The following PDZD4 variants were observed in gnomAD, a reference collection of about 807,000 sequenced individuals.
The protein encoded by PDZD4 is PDZ domain containing 4.
PDZD4 carries 9 observed loss-of-function variants against 38.5 expected under a neutral mutation model. That is an observed-to-expected ratio of 0.23 (90% CI 0.14 to 0.41). PDZD4 has a LOEUF of 0.41. Ranked by LOEUF, PDZD4 falls within the 10% of genes least tolerant of loss-of-function variation. The pLI is 1.00. For missense variants in PDZD4, 612 were observed against 722.0 expected (o/e 0.85, Z 1.75); for synonymous variants, 349 against 315.7 (o/e 1.11, Z -1.12).
At chrX:153,814,617 A>T (rs1025621519) in intron 1 of PDZD4, among the ~76,000 whole-genome samples, 10 of 111,084 alleles carry the variant, frequency 9.0e-5, no homozygotes, top group Non-Finnish European at 1.3e-4. Context: ...GAAAACTCTC[A>T]CTATTGAATG....
In PDZD4 at chrX:153,830,210, C is replaced by T. The variant is rs781813457; in HGVS notation, c.60+29G>A. 1.8e-5 allele frequency: 21 copies of T among 1,180,558 alleles called. 1 individual carries two copies. The South Asian group carries it at 3.7e-4, about 21-fold the overall frequency. ...GCCCGCTCCTCCCCGCGGAGGGCCGCGCCCCCGCCGCAGCGCCGGCGGCCC... is the reference window on the plus strand; with the variant it reads ...GCCCGCTCCTCCCCGCGGAGGGCCGTGCCCCCGCCGCAGCGCCGGCGGCCC... On this transcript the variant is annotated intron_variant, in intron 1 of 7. Transcript: ENST00000393758.
intron 1 of PDZD4, among the ~76,000 whole-genome samples, chrX:153,827,505 A>T (rs186426558): frequency 4.8e-4 from 54 of 112,872 alleles, no homozygotes; most frequent in African/African-American, 1.5e-3. Flanking sequence ...ATGGATAAAT[A>T]TGTTGTATAT....
chrX:153,821,366 C>T (rs1259888691), intron 1 of PDZD4, among the ~76,000 whole-genome samples: 1 of 110,801 alleles, frequency 9.0e-6, no homozygotes, highest in African/African-American at 3.3e-5. Context: ...CCTGTAAAGC[C>T]CTCACGTAGG....
chrX:153,813,187 C>T (rs1007190458), intron 1 of PDZD4, among the ~76,000 whole-genome samples: 3 of 111,948 alleles, frequency 2.7e-5, no homozygotes, highest in Admixed American at 9.5e-5. Context: ...AACTTCTAGA[C>T]GACAAAAGAC....
chrX:153,817,604 G>A (rs1557080285), intron 1 of PDZD4, among the ~76,000 whole-genome samples: 1 of 112,091 alleles, frequency 8.9e-6, no homozygotes, highest in South Asian at 3.7e-4. Context: ...AACCTGTTCT[G>A]GAACTAGACA....
At chrX:153,815,080 G>A (rs1557079605) in intron 1 of PDZD4, among the ~76,000 whole-genome samples, 2 of 113,041 alleles carry the variant, frequency 1.8e-5, no homozygotes, top group Admixed American at 9.3e-5. Flanking sequence ...AGCACACCAC[G>A]GCTCAGCCAG....
chrX:153,808,430 T>C lies in PDZD4; in HGVS notation c.226A>G (p.Ile76Val), dbSNP rs1334503320. ...AGCGCCATGATATGCTCGAAGGTGA[T>C]GTCGGTCTGAGTGCCACTGTCCACC... ...QLVDSGTQTD[I>V]TFEHIMALGK... Residue 76 changes from isoleucine to valine, a missense_variant, in exon 2 of 8, where the codon ATC becomes GTC. Physicochemically the swap from Ile to Val is conservative, Grantham distance 29. Transcript: ENST00000393758. 1 of 1,211,245 alleles carries C rather than the reference T, an allele frequency of 8.3e-7. No homozygotes were observed. Among genetic ancestry groups the C allele is most frequent in the Admixed American group, 2.2e-5 (1 of 46,150 alleles).
intron 1 of PDZD4, among the ~76,000 whole-genome samples, chrX:153,825,280 A>G (rs2064469335): frequency 8.9e-6 from 1 of 112,474 alleles, no homozygotes; most frequent in Admixed American, 9.4e-5. Context: ...CCTAAGTACC[A>G]GGGGTTTATC....
chrX:153,817,696 A>C (rs1476034842), intron 1 of PDZD4, among the ~76,000 whole-genome samples: 1 of 112,391 alleles, frequency 8.9e-6, no homozygotes, highest in Non-Finnish European at 1.9e-5. Context: ...TACCACAAGA[A>C]AACATAAAAT....
intron 1 of PDZD4, 133 bp from the exon 2 acceptor site, chrX:153,808,728 T>G: frequency 1.3e-6 from 1 of 783,038 alleles, no homozygotes; most frequent in Non-Finnish European, 1.7e-6. Context: ...AGGAATCTGC[T>G]GTCTGCAGCC....
chrX:153,809,784 C>G (rs1173975221), intron 1 of PDZD4, among the ~76,000 whole-genome samples: 1 of 112,981 alleles, frequency 8.9e-6, no homozygotes, highest in Non-Finnish European at 1.9e-5. Context: ...CCAGGACAGG[C>G]TGCCCGGTGG....
rs1428935854 is a variant in PDZD4, at chrX:153,820,266, G to C, written c.60+9973C>G. On this transcript the variant is annotated intron_variant, in intron 1 of 7. Transcript: ENST00000393758. Reference sequence around the variant, plus strand: ...GGAGGCTGAGGCAGGAGAATCACTTGAACCCGGGTGGCGGAGGAGGTTGCA... The same window carrying C: ...GGAGGCTGAGGCAGGAGAATCACTTCAACCCGGGTGGCGGAGGAGGTTGCA... Among the ~76,000 whole-genome samples the C allele has an allele frequency of 3.0e-5, 3 of 101,290 alleles. No homozygotes were observed. The East Asian group carries it at 9.5e-4, about 32-fold the overall frequency. 88.0% of individuals were successfully genotyped at this position (101,290 alleles called of 115,157 possible). A position where few individuals can be genotyped will look rare whatever the true frequency, so the allele number is the denominator to read the frequency against.
chrX:153,822,621 C>G (rs1261171334), intron 1 of PDZD4, among the ~76,000 whole-genome samples: 1 of 93,838 alleles, frequency 1.1e-5, no homozygotes, highest in Non-Finnish European at 2.1e-5. Flanking sequence ...TCTGTTTTTT[C>G]TTTCTCTCTC....
intron 1 of PDZD4, among the ~76,000 whole-genome samples, chrX:153,823,723 G>A (rs782621648): frequency 2.7e-5 from 3 of 112,220 alleles, no homozygotes; most frequent in East Asian, 5.6e-4. Context: ...GTGAGATCCC[G>A]GGGGACACAC....
In PDZD4 at chrX:153,830,267, G is replaced by A; in HGVS notation, c.32C>T (p.Pro11Leu). Residue 11 changes from proline (P) to leucine (L), a missense_variant, in exon 1 of 8, where the codon CCG becomes CTG. Pro to Leu is a moderately conservative substitution (Grantham distance 98). Transcript: ENST00000393758. The stretch of plus-strand genomic sequence containing the variant: ...CAGCATCACTTTGTACTGCTCCTCC[G>A]GTTTCTGGACCACGCACATATTACA... MGCNMCVVQK[P>L]EEQYKVMLQV... The A allele has an allele frequency of 8.3e-7, 1 of 1,204,028 alleles. No homozygotes were observed. The highest frequency in any genetic ancestry group is 1.1e-6 in the Non-Finnish European group (1 of 891,698).
At chrX:153,829,971 T>C in intron 1 of PDZD4, 1 of 803,152 alleles carries the variant, frequency 1.2e-6, no homozygotes, top group Non-Finnish European at 1.6e-6. Flanking sequence ...CTCGTTGCTA[T>C]GCAACCTCCA....
In PDZD4 at chrX:153,802,622, C is replaced by T. The variant is rs1317184709; in HGVS notation, c.*731G>A. ...AAACAGGTGCCCCCCAGAGGCTCCCCGTTCCCACACCTCAGAGTGGAAGCC... is the reference window on the plus strand; with the variant it reads ...AAACAGGTGCCCCCCAGAGGCTCCCTGTTCCCACACCTCAGAGTGGAAGCC... On this transcript the variant is annotated 3_prime_UTR_variant, in exon 8 of 8. Transcript: ENST00000393758. 2 of 111,479 alleles carry T rather than the reference C, an allele frequency of 1.8e-5. No homozygotes were observed. Among genetic ancestry groups the T allele is most frequent in the East Asian group, 2.8e-4 (1 of 3,532 alleles). 9.2% of individuals were successfully genotyped at this position (111,479 alleles called of 1,213,427 possible). A position where few individuals can be genotyped will look rare whatever the true frequency, so the allele number is the denominator to read the frequency against.
intron 4 of PDZD4, among the ~76,000 whole-genome samples, chrX:153,806,454 C>T (rs1056084545): frequency 8.9e-6 from 1 of 112,827 alleles, no homozygotes; most frequent in Non-Finnish European, 1.9e-5. Context: ...CCATCCCCCT[C>T]CTGGGGATAC....
chrX:153,830,049 C>A, intron 1 of PDZD4, 190 bp downstream of exon 1: 3 of 587,095 alleles, frequency 5.1e-6, no homozygotes, highest in Non-Finnish European at 7.1e-6. Context: ...CCCAACTTCC[C>A]ACCCCACCCG....
Sources: gnomAD v4.1 joint callset for allele counts (sites outside exome capture counted in the v4.1 genomes callset) on GRCh38, gnomAD v4.1.1 for gene constraint, MANE v1.5 for transcripts, NCBI Gene and HGNC (gene_info 2026-07-23, HGNC 2026-07-21) for gene names.